LCLAT1: variants seen among roughly 807,000 people sequenced by gnomAD.
LCLAT1 encodes the protein 1-AGP acyltransferase 8.
A neutral mutation model predicts 30.7 loss-of-function variants in LCLAT1; 11 were observed. The observed-to-expected ratio is 0.36, with a 90% CI of 0.23 to 0.59. The LOEUF is 0.59. LCLAT1 is among the 20% of genes least tolerant of loss of function. The probability of loss-of-function intolerance (pLI) is 0.77; values close to 1 mark genes in which losing one functional copy is unlikely to be tolerated. For synonymous variants in LCLAT1, 155 were observed against 151.3 expected (o/e 1.02, Z -0.18); for missense variants, 402 against 458.6 (o/e 0.88, Z 1.13).
chr2:30,523,552 G>A (rs13430761), intron 1 of LCLAT1, among the ~76,000 whole-genome samples: 2 of 152,082 alleles, frequency 1.3e-5, no homozygotes, highest in Admixed American at 6.5e-5. Flanking sequence ...TTTTGTACAC[G>A]TACTGTCAAG....
At position 30,539,411 on chromosome 2, in the gene LCLAT1, A is replaced by G. The variant is rs375512887; in HGVS notation, c.364+6097A>G. Among the ~76,000 whole-genome samples, 191 of 152,074 alleles carry G rather than the reference A, an allele frequency of 1.3e-3. 2 individuals are homozygous for G. The highest frequency in any genetic ancestry group is 4.4e-3 in the African/African-American group (181 of 41,478). ...AAAACTATTAATCCAAGCTGGCACA[A>G]TGATGCCTGGCTAATTTTTTTAAAA... On this transcript the variant is annotated intron_variant, in intron 3 of 5. Coordinates refer to ENST00000379509, the MANE Select transcript of LCLAT1 (RefSeq NM_001002257.3).
At chr2:30,465,298 G>A (rs1171215379) in intron 1 of LCLAT1, among the ~76,000 whole-genome samples, 3 of 152,130 alleles carry the variant, frequency 2.0e-5, no homozygotes, top group Non-Finnish European at 4.4e-5. Flanking sequence ...AGTGTTAACG[G>A]CCACAAGTCA....
At chr2:30,568,824 A>T (rs1366821271) in intron 5 of LCLAT1, among the ~76,000 whole-genome samples, 1 of 136,402 alleles carries the variant, frequency 7.3e-6, no homozygotes, top group African/African-American at 2.8e-5. Flanking sequence ...TCTTAAGAGT[A>T]TCTTGTCACT....
chr2:30,553,611 C>T (rs898166932), intron 3 of LCLAT1, among the ~76,000 whole-genome samples: 3 of 151,140 alleles, frequency 2.0e-5, no homozygotes, highest in African/African-American at 4.9e-5. Flanking sequence ...GTCAGGAGAT[C>T]GAGACCATCC....
intron 1 of LCLAT1, among the ~76,000 whole-genome samples, chr2:30,460,911 A>G (rs988430139): frequency 6.6e-6 from 1 of 152,190 alleles, no homozygotes; most frequent in African/African-American, 2.4e-5. Flanking sequence ...TGCTAGGAAG[A>G]TGACACCTGG....
At chr2:30,632,393 G>A (rs989638259) in intron 5 of LCLAT1, among the ~76,000 whole-genome samples, 2 of 152,180 alleles carry the variant, frequency 1.3e-5, no homozygotes, top group Non-Finnish European at 2.9e-5. Context: ...AGTTAGTAGG[G>A]ATGGAGAGGA....
At chr2:30,468,383 G>A (rs1312054658) in intron 1 of LCLAT1, among the ~76,000 whole-genome samples, 3 of 152,170 alleles carry the variant, frequency 2.0e-5, no homozygotes, top group Admixed American at 2.0e-4. Context: ...GTAGTGTGAT[G>A]CCTCCAGCTT....
intron 1 of LCLAT1, among the ~76,000 whole-genome samples, chr2:30,489,808 G>T (rs768595997): frequency 7.9e-5 from 12 of 152,180 alleles, no homozygotes; most frequent in Non-Finnish European, 1.5e-4. Context: ...GAGCCAGTCA[G>T]GACTCTAGTT....
At chr2:30,526,189 A>AC (rs1553368189) in intron 2 of LCLAT1, among the ~76,000 whole-genome samples, 9 of 151,388 alleles carry the variant, frequency 5.9e-5, no homozygotes, top group African/African-American at 2.2e-4. Flanking sequence ...TTAGACTGTT[A>AC]TTTTTTTCAC....
chr2:30,457,890 C>G lies in LCLAT1; in HGVS notation c.-5+10507C>G, dbSNP rs115694611. Among the ~76,000 whole-genome samples the G allele has an allele frequency of 6.6e-3, 1,009 of 152,170 alleles. 10 individuals are homozygous for G. Among genetic ancestry groups the G allele is most frequent in the African/African-American group, 0.023 (958 of 41,520 alleles). ...AAAAAGGAATTTATAGTATTATTTT[C>G]TTTGCATGGTTAGTGTGAGGATTAA... On this transcript the variant is annotated intron_variant, in intron 1 of 5. Coordinates refer to ENST00000379509, the MANE Select transcript of LCLAT1 (RefSeq NM_001002257.3).
chr2:30,587,500 C>G (rs1666496518), intron 5 of LCLAT1, among the ~76,000 whole-genome samples: 1 of 152,162 alleles, frequency 6.6e-6, no homozygotes, highest in Non-Finnish European at 1.5e-5. Flanking sequence ...ATCCTAAGAT[C>G]TGAAGATACA....
chr2:30,541,567 G>A (rs1459640652), intron 3 of LCLAT1, among the ~76,000 whole-genome samples: 1 of 151,856 alleles, frequency 6.6e-6, no homozygotes, highest in East Asian at 1.9e-4. Flanking sequence ...TTTGTTATAG[G>A]GTCTGTTCCC....
At chr2:30,501,783 A>G (rs1484072783) in intron 1 of LCLAT1, among the ~76,000 whole-genome samples, 1 of 152,240 alleles carries the variant, frequency 6.6e-6, no homozygotes, top group African/African-American at 2.4e-5. Context: ...GTGGTATTTT[A>G]TGCCTTCCAA....
chr2:30,591,248 C>T (rs1666682346), intron 5 of LCLAT1, among the ~76,000 whole-genome samples: 1 of 152,112 alleles, frequency 6.6e-6, no homozygotes, highest in Non-Finnish European at 1.5e-5. Context: ...TGCTAAACTA[C>T]CCCATCACAT....
intron 5 of LCLAT1, among the ~76,000 whole-genome samples, chr2:30,622,493 G>C (rs1668309662): frequency 6.6e-6 from 1 of 152,136 alleles, no homozygotes; most frequent in Admixed American, 6.5e-5. Flanking sequence ...CTGGAGGTCA[G>C]CCAACACAAA....
chr2:30,634,352 G>A (rs754172592), intron 5 of LCLAT1, among the ~76,000 whole-genome samples: 14 of 152,088 alleles, frequency 9.2e-5, no homozygotes, highest in Admixed American at 7.9e-4. Context: ...CTGGCCATGC[G>A]CGGCGGCTCA....
At chr2:30,600,285 A>T (rs778344365) in intron 5 of LCLAT1, among the ~76,000 whole-genome samples, 15 of 152,226 alleles carry the variant, frequency 9.9e-5, no homozygotes, top group Non-Finnish European at 8.8e-5. Flanking sequence ...GTAAATAATG[A>T]AATTAAGGCA....
chr2:30,537,448 G>T (rs919120023), intron 3 of LCLAT1, among the ~76,000 whole-genome samples: 2 of 150,836 alleles, frequency 1.3e-5, no homozygotes, highest in South Asian at 4.2e-4. Flanking sequence ...AACATAAAAA[G>T]TGACAAAGAA....
intron 3 of LCLAT1, among the ~76,000 whole-genome samples, chr2:30,559,058 C>A (rs760699210): frequency 2.0e-5 from 3 of 152,152 alleles, no homozygotes; most frequent in Non-Finnish European, 4.4e-5. Flanking sequence ...TGCCACACAA[C>A]ATGGATGAAT....
Sources: gnomAD v4.1 joint callset for allele counts (sites outside exome capture counted in the v4.1 genomes callset) on GRCh38, gnomAD v4.1.1 for gene constraint, MANE v1.5 for transcripts, NCBI Gene and HGNC (gene_info 2026-07-23, HGNC 2026-07-21) for gene names.